The following ZPBP variants were observed in gnomAD, a reference collection of about 807,000 sequenced individuals.
The protein encoded by ZPBP is zona pellucida-binding protein 1.
In ZPBP, 26 loss-of-function variants were observed where a neutral mutation model predicts 44.8. The observed-to-expected ratio is 0.58, with a 90% CI of 0.43 to 0.81. ZPBP has a LOEUF of 0.81. Ranked by LOEUF, ZPBP falls within the 30% of genes least tolerant of loss-of-function variation. ZPBP has a pLI of 0.00. For synonymous variants in ZPBP, 174 were observed against 153.2 expected, an observed-to-expected ratio of 1.14 and a Z score of -1.00; for missense variants, 409 against 434.0, an observed-to-expected ratio of 0.94 and a Z score of 0.51.
At chr7:50,070,218 TG>T (rs1202168113) in intron 3 of ZPBP, among the ~76,000 whole-genome samples, 1 of 152,158 alleles carries the variant, frequency 6.6e-6, no homozygotes, top group Non-Finnish European at 1.5e-5. Flanking sequence ...ACTTTGTTAG[TG>T]GGGACACAAG....
At chr7:50,007,845 AC>A (rs765724911) in intron 6 of ZPBP, among the ~76,000 whole-genome samples, 1 of 151,950 alleles carries the variant, frequency 6.6e-6, no homozygotes, top group Non-Finnish European at 1.5e-5. Context: ...CACTAAAAAA[AC>A]TTCAGAATAA....
chr7:49,990,820 T>C (rs1274797359), intron 6 of ZPBP, among the ~76,000 whole-genome samples: 1 of 152,194 alleles, frequency 6.6e-6, no homozygotes, highest in Non-Finnish European at 1.5e-5. Flanking sequence ...CTTTAATATA[T>C]GTTCTAGATT....
rs141260312 is a variant in ZPBP, at chr7:49,999,211, C to CATAT, written c.784-15696_784-15693dup. Among the ~76,000 whole-genome samples the CATAT allele has an allele frequency of 1.2e-4, 18 of 144,780 alleles. No homozygotes were observed. The East Asian group carries it at 2.2e-3, about 18-fold the overall frequency. The allele number at this position is 144,780 out of a possible 152,430, so 95.0% of individuals were successfully genotyped here. ...CTCTCCAATTCCTATAATAAGTCTC[C>CATAT]ATATATATATATATATGCATGTGTG... is the stretch of plus-strand genomic sequence containing the variant. On this transcript the variant is annotated intron_variant, in intron 6 of 7. Transcript: ENST00000046087.
chr7:49,980,065 T>TATATA (rs1474392892), intron 7 of ZPBP, among the ~76,000 whole-genome samples: 12 of 90,644 alleles, frequency 1.3e-4, no homozygotes, highest in African/African-American at 3.7e-4. Flanking sequence ...TTTTATATTA[T>TATATA]ATTATAATAT....
intron 1 of ZPBP, among the ~76,000 whole-genome samples, chr7:49,923,590 CTG>C (rs1562778605): frequency 6.9e-6 from 1 of 145,358 alleles, no homozygotes; most frequent in African/African-American, 2.6e-5. Context: ...TATCTTAATT[CTG>C]TGTGTTTTAA....
chr7:50,041,439 T>C (rs890502348), intron 4 of ZPBP, among the ~76,000 whole-genome samples: 10 of 152,206 alleles, frequency 6.6e-5, no homozygotes, highest in African/African-American at 2.4e-4. Context: ...GTGCCCTCTG[T>C]GATGAAGCTT....
chr7:49,931,369 T>C (rs901027226), intron 1 of ZPBP, among the ~76,000 whole-genome samples: 7 of 152,184 alleles, frequency 4.6e-5, no homozygotes, highest in Non-Finnish European at 1.0e-4. Flanking sequence ...AGAGATGTAT[T>C]GAATAGTTTT....
chr7:50,033,541 A>T (rs1799693813), intron 4 of ZPBP, among the ~76,000 whole-genome samples: 1 of 152,166 alleles, frequency 6.6e-6, no homozygotes, highest in Admixed American at 6.5e-5. Context: ...CAAGTACTAC[A>T]GGTAAAATCT....
intron 2 of ZPBP, among the ~76,000 whole-genome samples, chr7:49,894,409 A>C (rs1792278536): frequency 6.6e-6 from 1 of 152,244 alleles, no homozygotes. Flanking sequence ...TTATGATTAC[A>C]GGCATGAGCC....
At chr7:49,871,449 T>A (rs1442854308) in intron 2 of ZPBP, among the ~76,000 whole-genome samples, 1 of 152,220 alleles carries the variant, frequency 6.6e-6, no homozygotes, top group African/African-American at 2.4e-5. Context: ...ATATACTGTA[T>A]ACATTCATGA....
chr7:49,920,829 T>C (rs1793986523), intron 1 of ZPBP: 1 of 152,242 alleles, frequency 6.6e-6, no homozygotes, highest in Non-Finnish European at 1.5e-5. Context: ...GTCTGTGTGA[T>C]GCTTTACAAG....
chr7:49,872,439 T>A lies in ZPBP; in HGVS notation n.510-21925A>T, dbSNP rs1791196672. On this transcript the variant is annotated intron_variant and non_coding_transcript_variant, in intron 2 of 2. Coordinates refer to the ZPBP transcript ENST00000465922. ...CACTACCTCATAGTATATGCAAAAA[T>A]AAATCCTAGGTGGTTTAAAACTCTA... 2.6e-5 allele frequency among the ~76,000 whole-genome samples: 4 copies of A among 151,978 alleles called. No individual in the cohort carries two copies. In the South Asian group the frequency reaches 8.3e-4, roughly 32 times the overall value.
At position 50,059,122 on chromosome 7, in the gene ZPBP, G is replaced by A. The variant is rs1459452607; in HGVS notation, c.335-981C>T. ...ATTCTTAGGTATTAAAATTTGCTTA[G>A]TCTGATATTCCATTCATTAGAACTG... On this transcript the variant is annotated intron_variant, in intron 3 of 7. Transcript: ENST00000046087. 4.6e-5 allele frequency among the ~76,000 whole-genome samples: 7 copies of A among 152,276 alleles called. No homozygotes were observed. In the East Asian group the frequency reaches 7.7e-4, roughly 17 times the overall value.
Position 49,994,459 on chromosome 7 carries a change from C to T in ZPBP, c.784-10940G>A, listed in dbSNP as rs532891702. Among the ~76,000 whole-genome samples, 15 of 152,300 alleles carry T rather than the reference C, an allele frequency of 9.8e-5. No homozygotes were observed. The South Asian group carries it at 2.7e-3, about 27-fold the overall frequency. On this transcript the variant is annotated intron_variant, in intron 6 of 7. Coordinates refer to ENST00000046087, the MANE Select transcript of ZPBP (RefSeq NM_007009.3). Reference sequence around the variant, plus strand: ...GCTTCAAGGTCTGCTCAGGCCCAGTCAAGTGAATACCACCTCCATCTGATA... The same window carrying T: ...GCTTCAAGGTCTGCTCAGGCCCAGTTAAGTGAATACCACCTCCATCTGATA...
intron 3 of ZPBP, among the ~76,000 whole-genome samples, chr7:50,075,157 T>C (rs1280720514): frequency 6.6e-6 from 1 of 151,892 alleles, no homozygotes; most frequent in African/African-American, 2.4e-5. Context: ...TTAAACAATA[T>C]GCTCCTGAAT....
chr7:49,905,419 A>G (rs1467345036), intron 1 of ZPBP, among the ~76,000 whole-genome samples: 1 of 152,216 alleles, frequency 6.6e-6, no homozygotes, highest in Non-Finnish European at 1.5e-5. Flanking sequence ...TAAATAAACA[A>G]AAAGGAAGCA....
chr7:50,016,915 T>C (rs1798844642), intron 6 of ZPBP, among the ~76,000 whole-genome samples: 1 of 152,100 alleles, frequency 6.6e-6, no homozygotes, highest in Non-Finnish European at 1.5e-5. Flanking sequence ...GAGGTAATGC[T>C]TAAGAAAATT....
chr7:49,880,008 A>G (rs1364632262), intron 2 of ZPBP, among the ~76,000 whole-genome samples: 1 of 152,204 alleles, frequency 6.6e-6, no homozygotes, highest in Non-Finnish European at 1.5e-5. Flanking sequence ...TCAAGAAAAT[A>G]GTAATGACCA....
chr7:49,859,079 A>G (rs1790542782), intron 2 of ZPBP, among the ~76,000 whole-genome samples: 1 of 152,214 alleles, frequency 6.6e-6, no homozygotes, highest in African/African-American at 2.4e-5. Context: ...TGTGGCCCAT[A>G]TGGGCACATA....
Sources: allele counts gnomAD v4.1 joint callset (sites outside exome capture counted in the v4.1 genomes callset), GRCh38; gene constraint gnomAD v4.1.1; transcripts MANE v1.5; gene names NCBI Gene and HGNC (gene_info 2026-07-23, HGNC 2026-07-21).